ADAM19: variants seen among roughly 807,000 people sequenced by gnomAD.
ADAM19 encodes disintegrin and metalloproteinase domain-containing protein 19.
ADAM19 carries 65 observed loss-of-function variants against 114.7 expected under a neutral mutation model. The ratio of observed to expected loss-of-function variants is 0.57; its 90% CI spans 0.46 to 0.70. The LOEUF (loss-of-function observed/expected upper bound fraction) is 0.70. ADAM19 is among the 30% of genes least tolerant of loss of function. The probability of loss-of-function intolerance (pLI) is 0.00; values close to 1 mark genes in which losing one functional copy is unlikely to be tolerated. For missense variants in ADAM19, 1,063 were observed against 1,204.7 expected (o/e 0.88, Z 1.74); for synonymous variants, 466 against 460.5 (o/e 1.01, Z -0.15).
At chr5:157,555,690 C>T (rs2113784067) in intron 3 of ADAM19, among the ~76,000 whole-genome samples, 1 of 152,284 alleles carries the variant, frequency 6.6e-6, no homozygotes, top group African/African-American at 2.4e-5. Context: ...TTTCCTGGGG[C>T]TAGTGTGTAA....
At chr5:157,526,112 C>T (rs1756444849) in intron 5 of ADAM19, among the ~76,000 whole-genome samples, 1 of 151,656 alleles carries the variant, frequency 6.6e-6, no homozygotes, top group East Asian at 1.9e-4. Context: ...AAATACAAAA[C>T]TGTATGCATA....
At chr5:157,524,682 T>C (rs1561543080) in intron 5 of ADAM19, among the ~76,000 whole-genome samples, 1 of 152,154 alleles carries the variant, frequency 6.6e-6, no homozygotes, top group African/African-American at 2.4e-5. Context: ...AGAGAAGGCT[T>C]GTAGGTCATG....
chr5:157,572,960 G>C (rs2113804041), intron 1 of ADAM19, among the ~76,000 whole-genome samples: 1 of 152,324 alleles, frequency 6.6e-6, no homozygotes, highest in South Asian at 2.1e-4. Context: ...TGAGGCACGA[G>C]AATCCCTTGA....
At chr5:157,554,938 A>C (rs746345555) in intron 3 of ADAM19, among the ~76,000 whole-genome samples, 24 of 152,190 alleles carry the variant, frequency 1.6e-4, no homozygotes, top group Non-Finnish European at 3.4e-4. Context: ...ATCACATTAC[A>C]CTGACATGCA....
At chr5:157,515,746 C>T (rs1756071294) in intron 7 of ADAM19, among the ~76,000 whole-genome samples, 1 of 152,214 alleles carries the variant, frequency 6.6e-6, no homozygotes, top group Non-Finnish European at 1.5e-5. Context: ...CCCAGCCACT[C>T]TGCACTGTGC....
intron 10 of ADAM19, among the ~76,000 whole-genome samples, chr5:157,506,210 T>C (rs1298436074): frequency 6.6e-6 from 1 of 152,180 alleles, no homozygotes; most frequent in African/African-American, 2.4e-5. Context: ...TAGTGTTTCC[T>C]GAGAAAACCA....
rs1754686142 is a variant in ADAM19, at chr5:157,479,568, T to C, written c.*1381A>G. The C allele has an allele frequency of 2.0e-6, 2 of 985,852 alleles. No homozygotes were observed. Among genetic ancestry groups the C allele is most frequent in the African/African-American group, 1.7e-5 (1 of 57,332 alleles). 61.1% of individuals were successfully genotyped at this position (985,852 alleles called of 1,614,324 possible). On this transcript the variant is annotated 3_prime_UTR_variant, in exon 23 of 23. Transcript: ENST00000257527. ...GCACCACACGGCCCTCCTTCCCTGCTGCAGGGAAGACAGGAGCCACCGCAG... is the reference window on the plus strand; with the variant it reads ...GCACCACACGGCCCTCCTTCCCTGCCGCAGGGAAGACAGGAGCCACCGCAG...
intron 19 of ADAM19, 44 bp from the exon 20 acceptor site, chr5:157,489,230 C>T: frequency 1.4e-6 from 2 of 1,402,238 alleles, no homozygotes; most frequent in Non-Finnish European, 2.0e-6. Flanking sequence ...GGACGATGTT[C>T]AGCAGGGGAC....
At chr5:157,492,861 G>T in intron 16 of ADAM19, 112 bp downstream of exon 16, 1 of 1,135,840 alleles carries the variant, frequency 8.8e-7, no homozygotes, top group Non-Finnish European at 1.3e-6. Context: ...AGCCACCAAG[G>T]CTCAGAGGTT....
At chr5:157,570,852 T>C (rs777271759) in intron 2 of ADAM19, 43 bp downstream of exon 2, 3 of 1,564,594 alleles carry the variant, frequency 1.9e-6, no homozygotes, top group South Asian at 2.2e-5. Flanking sequence ...CAAACCTCAG[T>C]TGTCAACTCC....
In ADAM19 at chr5:157,478,753, T is replaced by A. The variant is rs1581278165; in HGVS notation, c.*2196A>T. 1.0e-6 allele frequency: 1 copy of A among 985,764 alleles called. No individual in the cohort carries two copies. The allele number at this position is 985,764 out of a possible 1,614,324, so 61.1% of individuals were successfully genotyped here. ...ACAACTTTATGGGATGGAGGTGATA[T>A]GAAAATAATAAAACAAAACAAAACA... On this transcript the variant is annotated 3_prime_UTR_variant, in exon 23 of 23. Coordinates refer to ENST00000257527, the MANE Select transcript of ADAM19 (RefSeq NM_033274.5).
intron 5 of ADAM19, among the ~76,000 whole-genome samples, chr5:157,524,566 C>T (rs1581327539): frequency 6.6e-6 from 1 of 152,330 alleles, no homozygotes; most frequent in African/African-American, 2.4e-5. Context: ...CCCAGAGGTG[C>T]CCTAAAAAGT....
At chr5:157,517,180 T>C (rs932553947) in intron 7 of ADAM19, among the ~76,000 whole-genome samples, 1 of 152,182 alleles carries the variant, frequency 6.6e-6, no homozygotes, top group Non-Finnish European at 1.5e-5. Flanking sequence ...TGCAGCCTAG[T>C]GCTCTCCCCA....
chr5:157,509,399 A>C lies in ADAM19; in HGVS notation c.807T>G (p.Cys269Trp). Residue 269 changes from cysteine to tryptophan, a missense_variant, in exon 9 of 23, where the codon TGT (cysteine) becomes TGG (tryptophan). This residue lies in a region of ADAM19 where 615 missense variants were observed against 706.3 expected (regional missense o/e 0.87). Coordinates refer to ENST00000257527, the MANE Select transcript of ADAM19 (RefSeq NM_033274.5). Reference protein sequence around the residue: ...GLEVWTHGNMCEVSENPYSTL... With the variant: ...GLEVWTHGNMWEVSENPYSTL... ...TAGAATATGGATTCTCTGAAACTTC[A>C]CACATGTTCCCGTGGGTCCACACTT... is the stretch of plus-strand genomic sequence containing the variant. 6.2e-7 allele frequency: 1 copy of C among 1,613,710 alleles called. No homozygotes were observed. The highest frequency in any genetic ancestry group is 8.5e-7 in the Non-Finnish European group (1 of 1,179,826).
intron 3 of ADAM19, among the ~76,000 whole-genome samples, chr5:157,549,646 C>A (rs1445491191): frequency 6.6e-6 from 1 of 152,182 alleles, no homozygotes; most frequent in African/African-American, 2.4e-5. Flanking sequence ...TCAATTCTAC[C>A]ATGTAAATTT....
At chr5:157,516,481 A>G (rs1213708545) in intron 7 of ADAM19, among the ~76,000 whole-genome samples, 1 of 152,050 alleles carries the variant, frequency 6.6e-6, no homozygotes, top group Admixed American at 6.6e-5. Flanking sequence ...GCCTCCCACC[A>G]TGCTTCCCAC....
At chr5:157,531,084 G>A (rs1756610550) in intron 4 of ADAM19, among the ~76,000 whole-genome samples, 1 of 152,182 alleles carries the variant, frequency 6.6e-6, no homozygotes, top group Non-Finnish European at 1.5e-5. Context: ...CAGGGAAGAT[G>A]TCATTATCTC....
At chr5:157,490,833 A>C (rs1755128575) in intron 18 of ADAM19, among the ~76,000 whole-genome samples, 1 of 150,068 alleles carries the variant, frequency 6.7e-6, no homozygotes, top group Non-Finnish European at 1.5e-5. Flanking sequence ...CGGAGGTTGC[A>C]GTAAGTCGAG....
intron 3 of ADAM19, among the ~76,000 whole-genome samples, chr5:157,550,414 T>C (rs1021020826): frequency 1.2e-4 from 19 of 152,262 alleles, no homozygotes; most frequent in African/African-American, 4.6e-4. Context: ...TCCAGTATGA[T>C]CTCATCTTAA....
Sources: gnomAD v4.1 joint callset for allele counts (sites outside exome capture counted in the v4.1 genomes callset) on GRCh38, gnomAD v4.1.1 for gene constraint, gnomAD v4.1.1 regional missense constraint, MANE v1.5 for transcripts, NCBI Gene and HGNC (gene_info 2026-07-23, HGNC 2026-07-21) for gene names.